Variants in ERG observed in about 807,000 individuals in gnomAD.
The protein encoded by ERG is transcriptional regulator ERG.
A neutral mutation model predicts 55.3 loss-of-function variants in ERG; 9 were observed. That is an observed-to-expected ratio of 0.16 (90% CI 0.10 to 0.28). The LOEUF (loss-of-function observed/expected upper bound fraction) is 0.28, where lower values mean the gene tolerates loss of function less well. ERG is among the 10% of genes least tolerant of loss of function. The probability of loss-of-function intolerance (pLI) is 1.00; values close to 1 mark genes in which losing one functional copy is unlikely to be tolerated. For synonymous variants in ERG, 223 were observed against 237.3 expected (o/e 0.94, Z 0.55); for missense variants, 434 against 631.6 (o/e 0.69, Z 3.35).
At chr21:38,419,055 T>C (rs958917143) in intron 3 of ERG, among the ~76,000 whole-genome samples, 7 of 151,756 alleles carry the variant, frequency 4.6e-5, no homozygotes, top group Non-Finnish European at 8.8e-5. Context: ...GTCAGGCCCC[T>C]CTTATTACAA....
intron 6 of ERG, chr21:38,400,096 T>G (rs1988415223): frequency 6.2e-6 from 2 of 322,690 alleles, no homozygotes; most frequent in African/African-American, 4.2e-5. Flanking sequence ...GCATGTAAAT[T>G]TATTACCTAA....
At chr21:38,573,535 G>A (rs983640392) in intron 2 of ERG, among the ~76,000 whole-genome samples, 2 of 152,202 alleles carry the variant, frequency 1.3e-5, no homozygotes, top group Admixed American at 6.5e-5. Flanking sequence ...TTTGGGTGGA[G>A]AGAAACATAC....
intron 2 of ERG, among the ~76,000 whole-genome samples, chr21:38,555,588 G>A (rs1250879749): frequency 6.6e-6 from 1 of 151,908 alleles, no homozygotes; most frequent in Non-Finnish European, 1.5e-5. Flanking sequence ...TTTTTATTGA[G>A]TATCTATATT....
At chr21:38,436,437 T>C (rs1490245872) in intron 2 of ERG, among the ~76,000 whole-genome samples, 1 of 152,194 alleles carries the variant, frequency 6.6e-6, no homozygotes, top group Non-Finnish European at 1.5e-5. Context: ...GTCTGACACG[T>C]GGAGAGAACC....
chr21:38,572,526 G>C, intron 2 of ERG, among the ~76,000 whole-genome samples: 1 of 152,060 alleles, frequency 6.6e-6, no homozygotes, highest in Non-Finnish European at 1.5e-5. Flanking sequence ...TCCCAACTTT[G>C]TTGTCAAGAA....
At chr21:38,604,231 G>A (rs1264094167) in intron 1 of ERG, among the ~76,000 whole-genome samples, 1 of 149,242 alleles carries the variant, frequency 6.7e-6, no homozygotes, top group Non-Finnish European at 1.5e-5. Flanking sequence ...TCCAGCCTGG[G>A]CGACAGAGCG....
At chr21:38,642,665 T>TCA (rs1333056813) in intron 1 of ERG, among the ~76,000 whole-genome samples, 1 of 152,200 alleles carries the variant, frequency 6.6e-6, no homozygotes, top group Non-Finnish European at 1.5e-5. Context: ...TCTTCCAAGT[T>TCA]CACCTTCACA....
chr21:38,406,877 A>T (rs541891583), intron 3 of ERG, among the ~76,000 whole-genome samples: 31 of 152,312 alleles, frequency 2.0e-4, no homozygotes, highest in African/African-American at 7.2e-4. Flanking sequence ...GACAAGGGTT[A>T]TCCTGGCCCA....
upstream of ERG, among the ~76,000 whole-genome samples, chr21:38,586,972 C>G (rs1368478767): frequency 6.6e-6 from 1 of 152,162 alleles, no homozygotes. Flanking sequence ...GAAGAGAAAT[C>G]CTGTCATTTG....
At chr21:38,444,305 T>C (rs1338193349) in intron 2 of ERG, among the ~76,000 whole-genome samples, 2 of 152,166 alleles carry the variant, frequency 1.3e-5, no homozygotes, top group African/African-American at 4.8e-5. Flanking sequence ...GGGGTCAGAC[T>C]GGAAATGCCT....
chr21:38,506,384 G>A (rs2059460896), intron 2 of ERG, among the ~76,000 whole-genome samples: 1 of 152,082 alleles, frequency 6.6e-6, no homozygotes, highest in Non-Finnish European at 1.5e-5. Context: ...GTTATAGGAG[G>A]AATATGGATT....
chr21:38,523,628 T>G (rs551348777), intron 2 of ERG, among the ~76,000 whole-genome samples: 18 of 152,338 alleles, frequency 1.2e-4, no homozygotes, highest in Admixed American at 8.5e-4. Flanking sequence ...CTCATTATTG[T>G]AATTCTCCGT....
At chr21:38,575,792 T>C (rs1442737809) in intron 1 of ERG, 1 of 1,386,452 alleles carries the variant, frequency 7.2e-7, no homozygotes, top group East Asian at 2.3e-5. Context: ...AACAACTGCA[T>C]TTCTGTGTTT....
In ERG at chr21:38,645,938, A is replaced by G. The variant is rs146653800; in HGVS notation, c.-150+15720T>C. ...AGGAAGACGTCGACCAGCACAAAGC[A>G]TCACCACACTTCCCACATTCTGAGT... On this transcript the variant is annotated intron_variant, in intron 1 of 10. Transcript: ENST00000398910. 4.6e-3 allele frequency among the ~76,000 whole-genome samples: 698 copies of G among 152,262 alleles called. 1 individual carries two copies. The highest frequency in any genetic ancestry group is 0.024 in the Middle Eastern group (7 of 294).
chr21:38,659,339 T>C (rs895924760), intron 1 of ERG, among the ~76,000 whole-genome samples: 3 of 152,262 alleles, frequency 2.0e-5, no homozygotes, highest in Non-Finnish European at 4.4e-5. Flanking sequence ...TGACACATGG[T>C]GAATTAATTT....
At chr21:38,486,816 T>A (rs553556797) in intron 1 of ERG, among the ~76,000 whole-genome samples, 1 of 152,248 alleles carries the variant, frequency 6.6e-6, no homozygotes, top group Non-Finnish European at 1.5e-5. Context: ...CCCGAGAAGC[T>A]GAAACTACAG....
chr21:38,512,053 T>C (rs759440590), intron 2 of ERG, among the ~76,000 whole-genome samples: 5 of 152,216 alleles, frequency 3.3e-5, no homozygotes, highest in Non-Finnish European at 5.9e-5. Flanking sequence ...GGAAGGTATA[T>C]TGTCAGATGG....
intron 2 of ERG, among the ~76,000 whole-genome samples, chr21:38,543,539 A>G (rs2059768392): frequency 6.6e-6 from 1 of 152,110 alleles, no homozygotes; most frequent in Non-Finnish European, 1.5e-5. Context: ...CATTCAGTGA[A>G]CATCATTGAG....
At chr21:38,570,415 G>T (rs865882033) in intron 2 of ERG, among the ~76,000 whole-genome samples, 1 of 152,132 alleles carries the variant, frequency 6.6e-6, no homozygotes, top group Non-Finnish European at 1.5e-5. Flanking sequence ...TACAAAGCGC[G>T]TTCTGTTTTC....
Sources: allele counts gnomAD v4.1 joint callset (sites outside exome capture counted in the v4.1 genomes callset), GRCh38; gene constraint gnomAD v4.1.1; transcripts MANE v1.5; gene names NCBI Gene and HGNC (gene_info 2026-07-23, HGNC 2026-07-21).